RNF17: variants seen among roughly 807,000 people sequenced by gnomAD.
RNF17 encodes ring finger protein 17.
In RNF17, 31 loss-of-function variants were observed where a neutral mutation model predicts 200.5. The ratio of observed to expected loss-of-function variants is 0.15; its 90% CI spans 0.12 to 0.21. The LOEUF is 0.21. Ranked by LOEUF, RNF17 falls within the 10% of genes least tolerant of loss-of-function variation. The pLI is 1.00. For synonymous variants in RNF17, 606 were observed against 637.8 expected (o/e 0.95, Z 0.75); for missense variants, 1,628 against 1,905.1 (o/e 0.85, Z 2.71).
intron 32 of RNF17, among the ~76,000 whole-genome samples, chr13:24,873,253 A>G (rs1205398927): frequency 6.6e-6 from 1 of 152,176 alleles, no homozygotes; most frequent in African/African-American, 2.4e-5. Context: ...AAGAACTAGC[A>G]ACTCTGGGAA....
intron 2 of RNF17, among the ~76,000 whole-genome samples, chr13:24,768,013 A>C (rs1593200686): frequency 6.6e-6 from 1 of 151,970 alleles, no homozygotes; most frequent in South Asian, 2.1e-4. Context: ...AATCCATGCA[A>C]CCACATTTTG....
the RNF17 span, among the ~76,000 whole-genome samples, chr13:24,755,875 T>C: frequency 1.3e-5 from 2 of 152,196 alleles, no homozygotes; most frequent in African/African-American, 4.8e-5. Flanking sequence ...TAGATAATTA[T>C]GTTGTTTCAC....
intron 15 of RNF17, among the ~76,000 whole-genome samples, chr13:24,806,161 T>C (rs1885826369): frequency 6.6e-6 from 1 of 152,156 alleles, no homozygotes; most frequent in Non-Finnish European, 1.5e-5. Context: ...CCTGTGTTAG[T>C]TTGCTGAGAA....
chr13:24,752,036 A>G, the RNF17 span: 1 of 152,270 alleles, frequency 6.6e-6, no homozygotes, highest in South Asian at 2.1e-4. Flanking sequence ...TGCAAACTGC[A>G]GCAAGTAAAA....
At position 24,778,359 on chromosome 13, in the gene RNF17, T is replaced by C. The variant is rs1306568971; in HGVS notation, c.382T>C (p.Ser128Pro). The change falls in exon 4 of 36, where the codon TCA (serine) becomes CCA (proline). Residue 128 changes from serine to proline, a missense_variant. This residue lies in a region of RNF17 where 502 missense variants were observed against 501.7 expected (regional missense o/e 1.00). Transcript: ENST00000255324. ...ADQLTTGLER[S>P]ASTDKTLLNS... ...TCAGCTAACTACTGGTTTAGAACGT[T>C]CAGCCTCCACAGACAAGACTCTTTT... The C allele has an allele frequency of 6.2e-7, 1 of 1,613,966 alleles. No individual in the cohort carries two copies. The highest frequency in any genetic ancestry group is 8.5e-7 in the Non-Finnish European group (1 of 1,179,848).
chr13:24,882,797 A>C (rs928331736), downstream of RNF17: 4 of 213,796 alleles, frequency 1.9e-5, no homozygotes, highest in Non-Finnish European at 3.8e-5. Context: ...CCTTGAGTAC[A>C]CCTTCTGTAC....
At position 24,791,946 on chromosome 13, in the gene RNF17, A is replaced by G. The variant is rs1252079498; in HGVS notation, c.936-1096A>G. Among the ~76,000 whole-genome samples, 3 of 152,192 alleles carry G rather than the reference A, an allele frequency of 2.0e-5. No individual in the cohort carries two copies. In the East Asian group the frequency reaches 5.8e-4, roughly 29 times the overall value. ...CAGATAGGTTAACAGAATTAGGCTA[A>G]GATAGCTGATTAGATTCCTCTCCAT... On this transcript the variant is annotated intron_variant, in intron 9 of 35. Coordinates refer to ENST00000255324, the MANE Select transcript of RNF17 (RefSeq NM_031277.3).
downstream of RNF17, chr13:24,882,971 T>C (rs1011088030): frequency 5.9e-5 from 34 of 579,468 alleles, no homozygotes; most frequent in East Asian, 2.1e-4. Flanking sequence ...CCTTAGTCTA[T>C]TGAAAGACAG....
intron 1 of RNF17, 133 bp from the exon 2 acceptor site, chr13:24,767,139 G>C (rs1879814621): frequency 1.6e-6 from 1 of 610,206 alleles, no homozygotes; most frequent in Non-Finnish European, 2.9e-6. Context: ...TGAGGTAGGA[G>C]GATCACTTGA....
chr13:24,801,994 T>G (rs1234908616), intron 13 of RNF17, among the ~76,000 whole-genome samples: 1 of 152,100 alleles, frequency 6.6e-6, no homozygotes, highest in Non-Finnish European at 1.5e-5. Flanking sequence ...CTTTTCTTTC[T>G]TCTTTTTTTT....
chr13:24,809,772 G>C (rs907723919), intron 15 of RNF17, among the ~76,000 whole-genome samples: 8 of 151,862 alleles, frequency 5.3e-5, no homozygotes, highest in African/African-American at 1.9e-4. Flanking sequence ...TCTCTTGTGG[G>C]CATTTAGTGC....
chr13:24,811,118 T>C (rs1205558915), intron 15 of RNF17, among the ~76,000 whole-genome samples: 3 of 151,428 alleles, frequency 2.0e-5, no homozygotes, highest in African/African-American at 4.8e-5. Flanking sequence ...CAATTATGTG[T>C]CTTGGAGTTG....
chr13:24,773,874 G>C (rs1881162798), intron 2 of RNF17, among the ~76,000 whole-genome samples: 1 of 152,110 alleles, frequency 6.6e-6, no homozygotes, highest in Admixed American at 6.6e-5. Flanking sequence ...CCCAGAGAAT[G>C]ATGTTGCATT....
In RNF17 at chr13:24,853,919, G is replaced by C; in HGVS notation, c.3385G>C (p.Glu1129Gln). 2 of 1,613,832 alleles carry C rather than the reference G, an allele frequency of 1.2e-6. No homozygotes were observed. The highest frequency in any genetic ancestry group is 4.5e-5 in the East Asian group (2 of 44,852). ...GTCTCTGGAAGTCCCCCTGGAACAGGAAGATTCAGTAGTTACTAACTGTAT... is the reference window on the plus strand; with the variant it reads ...GTCTCTGGAAGTCCCCCTGGAACAGCAAGATTCAGTAGTTACTAACTGTAT... ...EKSLEVPLEQ[E>Q]DSVVTNCIKT... is the part of the protein sequence containing the mutation. Residue 1129 changes from glutamate (E) to glutamine (Q), a missense_variant, in exon 25 of 36, where the codon GAA (glutamate) becomes CAA (glutamine). Glu to Gln is a conservative substitution (Grantham distance 29). Coordinates refer to ENST00000255324, the MANE Select transcript of RNF17 (RefSeq NM_031277.3).
At chr13:24,789,522 G>T in intron 8 of RNF17, 98 bp downstream of exon 8, 1 of 1,026,434 alleles carries the variant, frequency 9.7e-7, no homozygotes, top group Non-Finnish European at 1.5e-6. Context: ...GAAATTTTGG[G>T]TCACAAATGT....
Position 24,793,154 on chromosome 13 carries a change from A to G in RNF17, c.1048A>G (p.Met350Val), listed in dbSNP as rs114785852. ...ACCGCTAGAAAAGAAAAAGGTTGAC[A>G]TGTCTGTCCTAACCAGTGAAGCACC... ...YPPLEKKKVD[M>V]SVLTSEAPPP... is the part of the protein sequence containing the mutation. Residue 350 changes from methionine (M) to valine (V), a missense_variant, in exon 10 of 36, where the codon ATG becomes GTG. Met to Val is a conservative substitution (Grantham distance 21, BLOSUM62 1). This residue lies in a region of RNF17 where 502 missense variants were observed against 501.7 expected (regional missense o/e 1.00). Transcript: ENST00000255324. 2,175 of 1,614,100 alleles carry G rather than the reference A, an allele frequency of 1.3e-3. 27 individuals carry two copies. In the African/African-American group the frequency reaches 0.026, roughly 19 times the overall value.
In RNF17 at chr13:24,790,231, AAGG is replaced by A. The variant is rs571509445; in HGVS notation, c.935+465_935+467del. On this transcript the variant is annotated intron_variant, in intron 9 of 35. Transcript: ENST00000255324. ...CTATTAAAATTAAGTAGCAAGTAGA[AAGG>A]AGGAGAAAAAGGAAGTATGCATCTT... Among the ~76,000 whole-genome samples, 203 of 152,270 alleles carry A rather than the reference AAGG, an allele frequency of 1.3e-3. 2 individuals carry two copies. The highest frequency in any genetic ancestry group is 4.5e-3 in the African/African-American group (188 of 41,568).
chr13:24,862,567 C>T, intron 27 of RNF17, 146 bp from the exon 28 acceptor site: 1 of 552,030 alleles, frequency 1.8e-6, no homozygotes, highest in Non-Finnish European at 3.4e-6. Flanking sequence ...TTATCATGTA[C>T]CTATGATATT....
chr13:24,762,575 A>C (rs1312681970), upstream of RNF17, among the ~76,000 whole-genome samples: 1 of 152,144 alleles, frequency 6.6e-6, no homozygotes, highest in African/African-American at 2.4e-5. Context: ...AGGGTAATTT[A>C]GGGAAGCAGT....
Sources: allele counts gnomAD v4.1 joint callset (sites outside exome capture counted in the v4.1 genomes callset), GRCh38; gene constraint gnomAD v4.1.1; regional missense constraint gnomAD v4.1.1; transcripts MANE v1.5; gene names NCBI Gene and HGNC (gene_info 2026-07-23, HGNC 2026-07-21).